The following LRMDA variants were observed in gnomAD, a reference collection of about 807,000 sequenced individuals.
LRMDA encodes the protein leucine-rich melanocyte differentiation-associated protein.
Under a neutral mutation model 29.8 loss-of-function variants are expected in LRMDA, and 18 were observed. The ratio of observed to expected loss-of-function variants is 0.60; its 90% CI spans 0.42 to 0.90. The LOEUF (loss-of-function observed/expected upper bound fraction) is 0.90. Ranked by LOEUF, LRMDA falls within the 40% of genes least tolerant of loss-of-function variation. The probability of loss-of-function intolerance (pLI) is 0.00; values close to 1 mark genes in which losing one functional copy is unlikely to be tolerated. For missense variants in LRMDA, 273 were observed against 273.9 expected (o/e 1.00, Z 0.02); for synonymous variants, 125 against 109.4 (o/e 1.14, Z -0.89).
intron 2 of LRMDA, among the ~76,000 whole-genome samples, chr10:75,617,923 C>T (rs572978991): frequency 8.5e-5 from 13 of 152,312 alleles, no homozygotes; most frequent in South Asian, 6.2e-4. Context: ...AAATCAACCT[C>T]GCTAGGCCTT....
chr10:76,129,568 G>C (rs143518939), intron 5 of LRMDA, among the ~76,000 whole-genome samples: 1 of 152,132 alleles, frequency 6.6e-6, no homozygotes. Flanking sequence ...CTACAGGAGT[G>C]GGGGTGGGTT....
chr10:76,512,562 A>G (rs1843019598), intron 6 of LRMDA, among the ~76,000 whole-genome samples: 1 of 152,196 alleles, frequency 6.6e-6, no homozygotes, highest in Non-Finnish European at 1.5e-5. Flanking sequence ...CTTATACAAT[A>G]TACAAAAATT....
chr10:76,308,651 C>T (rs1840590394), intron 5 of LRMDA, among the ~76,000 whole-genome samples: 1 of 152,192 alleles, frequency 6.6e-6, no homozygotes, highest in Admixed American at 6.5e-5. Flanking sequence ...GCTCTCACCT[C>T]TCTCCTCCCA....
intron 2 of LRMDA, among the ~76,000 whole-genome samples, chr10:75,792,136 G>A (rs1273756780): frequency 6.6e-6 from 1 of 152,108 alleles, no homozygotes; most frequent in Non-Finnish European, 1.5e-5. Context: ...GCGGGCGTGA[G>A]CCACCTTGCC....
chr10:75,485,949 T>A (rs1478640821), intron 2 of LRMDA, among the ~76,000 whole-genome samples: 1 of 152,220 alleles, frequency 6.6e-6, no homozygotes, highest in African/African-American at 2.4e-5. Flanking sequence ...TTTATTTTTA[T>A]TTTTTGATTT....
At chr10:76,147,456 C>G (rs1401057328) in intron 5 of LRMDA, among the ~76,000 whole-genome samples, 1 of 152,270 alleles carries the variant, frequency 6.6e-6, no homozygotes, top group African/African-American at 2.4e-5. Flanking sequence ...CACTGATACC[C>G]TTTCTTCCAG....
Position 75,784,630 on chromosome 10 carries a change from C to T in LRMDA, c.132-251378C>T, listed in dbSNP as rs1306217755. 2.0e-5 allele frequency among the ~76,000 whole-genome samples: 3 copies of T among 149,572 alleles called. No homozygotes were observed. In the South Asian group the frequency reaches 6.4e-4, roughly 32 times the overall value. On this transcript the variant is annotated intron_variant, in intron 2 of 6. Coordinates refer to ENST00000611255, the MANE Select transcript of LRMDA (RefSeq NM_001305581.2). ...AGGAGAATGGCGTGAACCCGGGAGG[C>T]GGAGCTTGCAGTGAGTGAGCAGAGA...
At chr10:76,406,841 G>T (rs997705936) in intron 6 of LRMDA, among the ~76,000 whole-genome samples, 4 of 152,040 alleles carry the variant, frequency 2.6e-5, no homozygotes, top group Non-Finnish European at 5.9e-5. Context: ...CCCTTGAGAT[G>T]GTCTTTGATC....
intron 6 of LRMDA, among the ~76,000 whole-genome samples, chr10:76,404,865 A>G (rs1286852872): frequency 6.6e-6 from 1 of 152,226 alleles, no homozygotes; most frequent in Admixed American, 6.5e-5. Flanking sequence ...AAAAGGAAAC[A>G]GCAGGGATAC....
chr10:76,041,452 T>TA (rs746008330), intron 3 of LRMDA, among the ~76,000 whole-genome samples: 31 of 152,260 alleles, frequency 2.0e-4, no homozygotes, highest in Non-Finnish European at 3.7e-4. Context: ...TTCAGCATGA[T>TA]AAATTTCTGA....
intron 5 of LRMDA, among the ~76,000 whole-genome samples, chr10:76,089,512 G>A (rs947173620): frequency 2.0e-5 from 3 of 152,152 alleles, no homozygotes; most frequent in Admixed American, 6.5e-5. Context: ...ATGCAGGCTT[G>A]GAATCATGGC....
At chr10:76,341,717 T>C (rs1473110354) in intron 6 of LRMDA, among the ~76,000 whole-genome samples, 1 of 152,210 alleles carries the variant, frequency 6.6e-6, no homozygotes, top group Non-Finnish European at 1.5e-5. Flanking sequence ...TGTTTGGTTG[T>C]TGATGCTGGC....
At chr10:76,551,280 G>A (rs7917243) in intron 6 of LRMDA, among the ~76,000 whole-genome samples, 211 of 151,160 alleles carry the variant, frequency 1.4e-3, no homozygotes, top group African/African-American at 4.8e-3. Context: ...TGTTCAATGG[G>A]GCAAATATTT....
intron 2 of LRMDA, among the ~76,000 whole-genome samples, chr10:75,449,151 C>CAAA (rs779723533): frequency 8.8e-4 from 44 of 49,966 alleles, no homozygotes; most frequent in South Asian, 1.3e-3. Flanking sequence ...GACTCCATCT[C>CAAA]AAAAAAAAAA....
At chr10:75,931,007 G>A (rs1335155179) in intron 2 of LRMDA, among the ~76,000 whole-genome samples, 4 of 152,176 alleles carry the variant, frequency 2.6e-5, no homozygotes, top group African/African-American at 4.8e-5. Flanking sequence ...ATTAGGCAAA[G>A]TTGCAGGATT....
chr10:76,465,829 C>G (rs10762725), intron 6 of LRMDA, among the ~76,000 whole-genome samples: 110,310 of 151,768 alleles, frequency 0.73, 40,840 homozygotes, highest in Non-Finnish European at 0.81. Flanking sequence ...CTCTCCCCTC[C>G]CCTTGTAGGT....
At chr10:76,213,374 A>G (rs1165038271) in intron 5 of LRMDA, among the ~76,000 whole-genome samples, 1 of 152,222 alleles carries the variant, frequency 6.6e-6, no homozygotes, top group Non-Finnish European at 1.5e-5. Flanking sequence ...TAAAATTAGA[A>G]CATGTATCAT....
chr10:75,654,643 G>T (rs1334671284), intron 2 of LRMDA, among the ~76,000 whole-genome samples: 1 of 152,174 alleles, frequency 6.6e-6, no homozygotes, highest in Admixed American at 6.5e-5. Flanking sequence ...TTTAGCACAA[G>T]AAGTAAAACC....
At chr10:75,566,535 C>G (rs1252381543) in intron 2 of LRMDA, among the ~76,000 whole-genome samples, 1 of 152,152 alleles carries the variant, frequency 6.6e-6, no homozygotes, top group Non-Finnish European at 1.5e-5. Context: ...ACATGGCTTT[C>G]TAGGCACAAA....
Sources: allele counts gnomAD v4.1 joint callset (sites outside exome capture counted in the v4.1 genomes callset), GRCh38; gene constraint gnomAD v4.1.1; transcripts MANE v1.5; gene names NCBI Gene and HGNC (gene_info 2026-07-23, HGNC 2026-07-21).